Variants in PRKG1 observed in about 807,000 individuals in gnomAD.
PRKG1 encodes the protein cGMP-dependent protein kinase 1.
PRKG1 carries 35 observed loss-of-function variants against 88.1 expected under a neutral mutation model. That is an observed-to-expected ratio of 0.40 (90% CI 0.30 to 0.53). The LOEUF is 0.53. Ranked by LOEUF, PRKG1 falls within the 20% of genes least tolerant of loss-of-function variation. The pLI, the probability that PRKG1 is intolerant of heterozygous loss-of-function variation, is 0.59. For synonymous variants in PRKG1, 303 were observed against 292.5 expected, an observed-to-expected ratio of 1.04 and a Z score of -0.37; for missense variants, 540 against 839.8, an observed-to-expected ratio of 0.64 and a Z score of 4.41.
intron 9 of PRKG1, among the ~76,000 whole-genome samples, chr10:52,207,618 G>A (rs1304241294): frequency 2.0e-5 from 3 of 152,122 alleles, no homozygotes; most frequent in African/African-American, 4.8e-5. Flanking sequence ...CTGAAGTACT[G>A]CCCCTGCCAC....
chr10:51,488,219 T>C (rs1383370055), intron 3 of PRKG1, among the ~76,000 whole-genome samples: 1 of 152,202 alleles, frequency 6.6e-6, no homozygotes, highest in Non-Finnish European at 1.5e-5. Flanking sequence ...TTCATTCTTA[T>C]AGTTGTCATC....
At chr10:51,536,361 A>T (rs990568670) in intron 3 of PRKG1, among the ~76,000 whole-genome samples, 2 of 152,140 alleles carry the variant, frequency 1.3e-5, no homozygotes, top group East Asian at 3.9e-4. Context: ...GTGTCTCTTC[A>T]TGACCTTTGC....
chr10:51,325,013 C>T (rs940481169), intron 2 of PRKG1, among the ~76,000 whole-genome samples: 1 of 152,066 alleles, frequency 6.6e-6, no homozygotes, highest in Non-Finnish European at 1.5e-5. Flanking sequence ...TAAAAGAGAA[C>T]CCCTTTCTTT....
At chr10:51,525,591 G>A (rs1589045759) in intron 3 of PRKG1, among the ~76,000 whole-genome samples, 1 of 151,994 alleles carries the variant, frequency 6.6e-6, no homozygotes, top group Admixed American at 6.5e-5. Context: ...CCGGCTACTC[G>A]GGAGGCTGAG....
chr10:51,635,086 C>A (rs1398608812), intron 3 of PRKG1, among the ~76,000 whole-genome samples: 1 of 151,956 alleles, frequency 6.6e-6, no homozygotes, highest in Non-Finnish European at 1.5e-5. Context: ...ACCCCTGAAA[C>A]TGAAATAAAT....
intron 2 of PRKG1, among the ~76,000 whole-genome samples, chr10:51,443,070 A>G (rs1189946234): frequency 2.0e-5 from 3 of 152,042 alleles, no homozygotes; most frequent in Admixed American, 6.6e-5. Context: ...TGAAGGGGAC[A>G]TTGTTTAAGA....
At chr10:51,889,142 G>A (rs953945291) in intron 4 of PRKG1, among the ~76,000 whole-genome samples, 8 of 148,682 alleles carry the variant, frequency 5.4e-5, no homozygotes, top group Admixed American at 5.4e-4. Context: ...CATGCACCAT[G>A]TTGCTGTGCT....
At chr10:51,700,760 G>A (rs563555327) in intron 3 of PRKG1, among the ~76,000 whole-genome samples, 4 of 152,228 alleles carry the variant, frequency 2.6e-5, no homozygotes, top group African/African-American at 9.6e-5. Flanking sequence ...TTGAAGAAAT[G>A]AATTTTAAAT....
chr10:52,264,716 T>TAAGGG (rs1251032555), intron 10 of PRKG1, among the ~76,000 whole-genome samples: 1 of 152,134 alleles, frequency 6.6e-6, no homozygotes, highest in Non-Finnish European at 1.5e-5. Context: ...CTGGATTCCC[T>TAAGGG]TATGCCTTGA....
chr10:51,346,460 A>G (rs1842116568), intron 2 of PRKG1, among the ~76,000 whole-genome samples: 2 of 152,218 alleles, frequency 1.3e-5, no homozygotes, highest in Admixed American at 1.3e-4. Flanking sequence ...TAAGATTTTT[A>G]TCTAGAGTCC....
intron 1 of PRKG1, among the ~76,000 whole-genome samples, chr10:51,131,637 T>C (rs537357418): frequency 6.6e-5 from 10 of 152,276 alleles, no homozygotes; most frequent in Admixed American, 4.6e-4. Flanking sequence ...GGAAGATGAA[T>C]GTGGAAGGAT....
chr10:51,681,525 C>T (rs959777649), intron 3 of PRKG1, among the ~76,000 whole-genome samples: 6 of 152,010 alleles, frequency 3.9e-5, no homozygotes. Flanking sequence ...TCATTAGATG[C>T]TCCTTAAAAA....
At chr10:51,578,320 C>G (rs189402920) in intron 3 of PRKG1, among the ~76,000 whole-genome samples, 28 of 152,270 alleles carry the variant, frequency 1.8e-4, no homozygotes, top group Middle Eastern at 3.4e-3. Flanking sequence ...ATTTCCTTCA[C>G]AAACCATACT....
At chr10:52,151,719 A>T (rs1837932223) in intron 8 of PRKG1, among the ~76,000 whole-genome samples, 1 of 152,206 alleles carries the variant, frequency 6.6e-6, no homozygotes, top group African/African-American at 2.4e-5. Flanking sequence ...ATTTTTAAGG[A>T]AAAGGAAACA....
intron 4 of PRKG1, 110 bp from the exon 5 acceptor site, chr10:51,907,397 T>C: frequency 1.2e-6 from 1 of 843,990 alleles, no homozygotes; most frequent in Non-Finnish European, 1.7e-6. Context: ...TTTGGCAGAT[T>C]CCTTGTCATG....
At chr10:52,124,289 A>G (rs1455968617) in intron 7 of PRKG1, among the ~76,000 whole-genome samples, 1 of 152,206 alleles carries the variant, frequency 6.6e-6, no homozygotes, top group Non-Finnish European at 1.5e-5. Context: ...ATAGCCTACT[A>G]CATACCTAAG....
intron 8 of PRKG1, among the ~76,000 whole-genome samples, chr10:52,150,394 C>A (rs956139117): frequency 1.3e-5 from 2 of 151,918 alleles, no homozygotes; most frequent in African/African-American, 4.8e-5. Flanking sequence ...TGACCTCGAG[C>A]AAATTACTTA....
At chr10:51,746,065 G>A (rs1051992698) in intron 3 of PRKG1, among the ~76,000 whole-genome samples, 20 of 151,936 alleles carry the variant, frequency 1.3e-4, no homozygotes, top group African/African-American at 4.1e-4. Context: ...GCCCAGGCTC[G>A]TCTAGAACTA....
At chr10:52,022,090 C>T (rs1314393385) in intron 5 of PRKG1, among the ~76,000 whole-genome samples, 1 of 152,180 alleles carries the variant, frequency 6.6e-6, no homozygotes, top group Middle Eastern at 3.2e-3. Flanking sequence ...TCTCAAGACT[C>T]TGAGTAGCAG....
Sources: gnomAD v4.1 joint callset for allele counts (sites outside exome capture counted in the v4.1 genomes callset) on GRCh38, gnomAD v4.1.1 for gene constraint, MANE v1.5 for transcripts, NCBI Gene and HGNC (gene_info 2026-07-23, HGNC 2026-07-21) for gene names.